The following RASA2 variants were observed in gnomAD, a reference collection of about 807,000 sequenced individuals.
RASA2 encodes the protein RAS p21 protein activator 2, also known as ras GTPase-activating protein 2.
A neutral mutation model predicts 118.2 loss-of-function variants in RASA2; 155 were observed. The ratio of observed to expected loss-of-function variants is 1.31; its 90% CI spans 1.15 to 1.50. The LOEUF (loss-of-function observed/expected upper bound fraction) is 1.50, where lower values mean the gene tolerates loss of function less well. Ranked by LOEUF, RASA2 falls within the 40% of genes most tolerant of loss-of-function variation. The pLI, the probability that RASA2 is intolerant of heterozygous loss-of-function variation, is 0.00. For synonymous variants in RASA2, 353 were observed against 349.1 expected, an observed-to-expected ratio of 1.01 and a Z score of -0.12; for missense variants, 1,016 against 1,009.6, an observed-to-expected ratio of 1.01 and a Z score of -0.09.
intron 19 of RASA2, 141 bp downstream of exon 19, chr3:141,586,893 A>G (rs1412638878): frequency 1.4e-6 from 1 of 737,980 alleles, no homozygotes; most frequent in South Asian, 1.5e-5. Flanking sequence ...ACGTACTAAG[A>G]ATGAAAAAAT....
At chr3:141,498,753 C>T (rs112447796) in intron 1 of RASA2, among the ~76,000 whole-genome samples, 1 of 152,122 alleles carries the variant, frequency 6.6e-6, no homozygotes, top group Non-Finnish European at 1.5e-5. Flanking sequence ...GTCCATGTAG[C>T]CCTGAGTTCT....
At chr3:141,532,612 T>TA (rs2082274717) in intron 4 of RASA2, among the ~76,000 whole-genome samples, 1 of 152,208 alleles carries the variant, frequency 6.6e-6, no homozygotes, top group African/African-American at 2.4e-5. Flanking sequence ...TTGCGTAAGT[T>TA]ACAATTATTT....
intron 19 of RASA2, among the ~76,000 whole-genome samples, chr3:141,593,170 C>T (rs2083313085): frequency 6.6e-6 from 1 of 152,080 alleles, no homozygotes; most frequent in Admixed American, 6.5e-5. Flanking sequence ...GCCTCAGCCT[C>T]CCCAGTAGCT....
chr3:141,541,762 G>GT (rs1181762442), intron 5 of RASA2, among the ~76,000 whole-genome samples: 4 of 149,378 alleles, frequency 2.7e-5, no homozygotes, highest in African/African-American at 4.9e-5. Context: ...ACATGGAATA[G>GT]TTTTTTGCTT....
chr3:141,590,136 T>C, intron 19 of RASA2: 1 of 456,640 alleles, frequency 2.2e-6, no homozygotes, highest in Non-Finnish European at 4.4e-6. Context: ...AAAGAGTTCA[T>C]TGAACGTAAG....
intron 9 of RASA2, among the ~76,000 whole-genome samples, chr3:141,567,073 G>C (rs2082830994): frequency 6.6e-6 from 1 of 152,074 alleles, no homozygotes; most frequent in African/African-American, 2.4e-5. Context: ...TTAAACTTTA[G>C]AAAGGCCTTA....
Position 141,615,001 on chromosome 3 carries a change from A to C in RASA2, c.*2688A>C, listed in dbSNP as rs2083707164. 6.6e-6 allele frequency: 1 copy of C among 152,202 alleles called. No homozygotes were observed. The highest frequency in any genetic ancestry group is 1.5e-5 in the Non-Finnish European group (1 of 68,030). The allele number at this position is 152,202 out of a possible 1,614,324, so 9.4% of individuals were successfully genotyped here. A position where few individuals can be genotyped will look rare whatever the true frequency, so the allele number is the denominator to read the frequency against. On this transcript the variant is annotated 3_prime_UTR_variant, in exon 24 of 24. Transcript: ENST00000286364. Reference sequence around the variant, plus strand: ...AGCACCTTTAATTTGCTCTAACGGTACATCCTGTAAAGACAGAATTCTGCA... The same window carrying C: ...AGCACCTTTAATTTGCTCTAACGGTCCATCCTGTAAAGACAGAATTCTGCA...
At chr3:141,536,888 C>T (rs1450704859) in intron 4 of RASA2, among the ~76,000 whole-genome samples, 1 of 151,508 alleles carries the variant, frequency 6.6e-6, no homozygotes, top group Admixed American at 6.6e-5. Context: ...GCTGGGATTA[C>T]AGGCATGCGC....
At chr3:141,607,877 G>A (rs918459087) in intron 20 of RASA2, 117 bp downstream of exon 20, 14 of 1,182,874 alleles carry the variant, frequency 1.2e-5, no homozygotes, top group African/African-American at 1.1e-4. Context: ...TTAGATATTT[G>A]TATTCAAATT....
intron 3 of RASA2, among the ~76,000 whole-genome samples, chr3:141,524,754 C>G (rs914978781): frequency 6.6e-6 from 1 of 152,066 alleles, no homozygotes; most frequent in African/African-American, 2.4e-5. Context: ...CCACGCTCGG[C>G]TAATTTTTTG....
intron 1 of RASA2, among the ~76,000 whole-genome samples, chr3:141,498,560 G>C (rs1048166726): frequency 1.3e-5 from 2 of 152,074 alleles, no homozygotes; most frequent in Non-Finnish European, 2.9e-5. Flanking sequence ...TTGGATATGT[G>C]TACACACATA....
chr3:141,514,443 C>A (rs1241920920), intron 2 of RASA2, among the ~76,000 whole-genome samples: 1 of 152,146 alleles, frequency 6.6e-6, no homozygotes, highest in African/African-American at 2.4e-5. Context: ...CACAAGGGAA[C>A]TTTCTGGGGA....
At chr3:141,606,495 A>G (rs1182385577) in intron 19 of RASA2, among the ~76,000 whole-genome samples, 1 of 152,176 alleles carries the variant, frequency 6.6e-6, no homozygotes, top group Non-Finnish European at 1.5e-5. Flanking sequence ...TTCCAGACCT[A>G]AATGCATACT....
chr3:141,610,228 T>G (rs2083616843), intron 23 of RASA2, among the ~76,000 whole-genome samples, 162 bp downstream of exon 23: 1 of 150,522 alleles, frequency 6.6e-6, no homozygotes, highest in Non-Finnish European at 1.5e-5. Context: ...GCTCTTTGTG[T>G]TGTTCAGTTT....
At chr3:141,543,552 T>G (rs1161687222) in intron 5 of RASA2, among the ~76,000 whole-genome samples, 1 of 152,194 alleles carries the variant, frequency 6.6e-6, no homozygotes, top group African/African-American at 2.4e-5. Flanking sequence ...TGATTAAGTG[T>G]ATAGAGTTTC....
chr3:141,492,081 A>G (rs1334952150), intron 1 of RASA2, among the ~76,000 whole-genome samples: 1 of 152,308 alleles, frequency 6.6e-6, no homozygotes, highest in East Asian at 1.9e-4. Context: ...GTTCTTTGTA[A>G]AAGTTCACAG....
At chr3:141,566,892 A>G (rs1180716150) in intron 9 of RASA2, among the ~76,000 whole-genome samples, 2 of 152,154 alleles carry the variant, frequency 1.3e-5, no homozygotes, top group Non-Finnish European at 2.9e-5. Context: ...GTCAATATCC[A>G]TGGAATGTCT....
chr3:141,541,564 T>C (rs142626242), intron 5 of RASA2, among the ~76,000 whole-genome samples: 1 of 152,216 alleles, frequency 6.6e-6, no homozygotes, highest in East Asian at 1.9e-4. Flanking sequence ...ATTCAGGAAG[T>C]TTAACATTGT....
Position 141,581,134 on chromosome 3 carries a change from T to C in RASA2, c.1709T>C (p.Phe570Ser). ...AAAGAGACATTCATGTGTGAATTTTTCAAAATGTTTCAAGAAGAAGGATAT... is the reference window on the plus strand; with the variant it reads ...AAAGAGACATTCATGTGTGAATTTTCCAAAATGTTTCAAGAAGAAGGATAT... ...SFKETFMCEF[F>S]KMFQEEGYII... The change falls in exon 17 of 24, where the codon TTC (phenylalanine) becomes TCC (serine). Residue 570 changes from phenylalanine (F) to serine (S), a missense_variant. Physicochemically the swap from Phe to Ser is radical, Grantham distance 155 (BLOSUM62 -2). Around this residue, in one of 2 missense-constraint regions of RASA2, gnomAD observed 896 missense variants for 836.4 expected, o/e 1.07. Coordinates refer to ENST00000286364, the MANE Select transcript of RASA2 (RefSeq NM_006506.5). 6.5e-7 allele frequency: 1 copy of C among 1,538,346 alleles called. No homozygotes were observed. The highest frequency in any genetic ancestry group is 8.7e-7 in the Non-Finnish European group (1 of 1,151,078).
Sources: allele counts gnomAD v4.1 joint callset (sites outside exome capture counted in the v4.1 genomes callset), GRCh38; gene constraint gnomAD v4.1.1; regional missense constraint gnomAD v4.1.1; transcripts MANE v1.5; gene names NCBI Gene and HGNC (gene_info 2026-07-23, HGNC 2026-07-21).